The following CFAP95 variants were observed in gnomAD, a reference collection of about 807,000 sequenced individuals.
CFAP95 encodes cilia and flagella associated protein 95.
the CFAP95 span, among the ~76,000 whole-genome samples, chr9:69,865,146 C>G: frequency 2.6e-5 from 4 of 152,132 alleles, no homozygotes; most frequent in African/African-American, 9.7e-5. Flanking sequence ...GGCCTTTTCC[C>G]CCTTTGCTCA....
the CFAP95 span, among the ~76,000 whole-genome samples, chr9:69,892,479 C>G: frequency 6.6e-6 from 1 of 152,172 alleles, no homozygotes; most frequent in African/African-American, 2.4e-5. Context: ...TCTTTCACCT[C>G]AAAGATACTC....
the CFAP95 span, among the ~76,000 whole-genome samples, chr9:69,843,737 C>T: frequency 1.3e-5 from 2 of 150,222 alleles, no homozygotes; most frequent in Non-Finnish European, 3.0e-5. Flanking sequence ...CTTGACCTCC[C>T]TGAGGTGATC....
the CFAP95 span, among the ~76,000 whole-genome samples, chr9:69,891,982 G>A: frequency 9.2e-3 from 1,404 of 152,134 alleles, 18 homozygotes; most frequent in African/African-American, 0.032. Flanking sequence ...GCTCTGAGGT[G>A]TTTATGGATA....
the CFAP95 span, among the ~76,000 whole-genome samples, chr9:69,899,267 T>C: frequency 1.3e-5 from 2 of 152,188 alleles, no homozygotes; most frequent in East Asian, 1.9e-4. Flanking sequence ...ACTAAATACA[T>C]GTTGAAGAGA....
At chr9:69,886,590 A>T in the CFAP95 span, among the ~76,000 whole-genome samples, 1 of 152,178 alleles carries the variant, frequency 6.6e-6, no homozygotes, top group South Asian at 2.1e-4. Flanking sequence ...GGCTTCAGAC[A>T]TCCACTTAGG....
chr9:69,838,449 T>C, the CFAP95 span, among the ~76,000 whole-genome samples: 6 of 151,510 alleles, frequency 4.0e-5, no homozygotes, highest in East Asian at 2.0e-4. Flanking sequence ...GTCCTTCACA[T>C]CCCTTGTAAG....
chr9:69,865,812 T>C, the CFAP95 span, among the ~76,000 whole-genome samples: 1 of 152,182 alleles, frequency 6.6e-6, no homozygotes, highest in South Asian at 2.1e-4. Flanking sequence ...CTATAACTTA[T>C]ACTAATAAAA....
chr9:69,904,204 C>A, the CFAP95 span, among the ~76,000 whole-genome samples: 3 of 152,166 alleles, frequency 2.0e-5, no homozygotes, highest in African/African-American at 7.2e-5. Context: ...AACAGTCACT[C>A]CCCATTCCTT....
At chr9:69,866,069 T>C in the CFAP95 span, among the ~76,000 whole-genome samples, 1 of 152,200 alleles carries the variant, frequency 6.6e-6, no homozygotes, top group East Asian at 1.9e-4. Context: ...GCCACTCCTC[T>C]ATGCTGCTTC....
At chr9:69,905,006 G>A in the CFAP95 span, among the ~76,000 whole-genome samples, 1 of 152,114 alleles carries the variant, frequency 6.6e-6, no homozygotes, top group Non-Finnish European at 1.5e-5. Context: ...GAGATTTTAA[G>A]CAAATCATCA....
chr9:69,900,074 G>A, the CFAP95 span, among the ~76,000 whole-genome samples: 1 of 151,988 alleles, frequency 6.6e-6, no homozygotes, highest in Non-Finnish European at 1.5e-5. Context: ...CACCTTATGA[G>A]TTTATTTTTT....
At chr9:69,868,842 T>A in the CFAP95 span, among the ~76,000 whole-genome samples, 1 of 147,766 alleles carries the variant, frequency 6.8e-6, no homozygotes, top group East Asian at 1.9e-4. Flanking sequence ...AGCCAAGGAC[T>A]TAAATAGGCA....
chr9:69,892,626 A>G, the CFAP95 span, among the ~76,000 whole-genome samples: 1 of 152,234 alleles, frequency 6.6e-6, no homozygotes, highest in South Asian at 2.1e-4. Context: ...ATGAGAATAT[A>G]CATTCCTTTT....
At chr9:69,851,325 G>A in the CFAP95 span, among the ~76,000 whole-genome samples, 2 of 152,094 alleles carry the variant, frequency 1.3e-5, no homozygotes, top group Non-Finnish European at 2.9e-5. Context: ...AAAATGCTGT[G>A]CAGCTTCCTT....
At chr9:69,901,569 T>G in the CFAP95 span, among the ~76,000 whole-genome samples, 1 of 152,198 alleles carries the variant, frequency 6.6e-6, no homozygotes, top group African/African-American at 2.4e-5. Flanking sequence ...TGCGCCACAT[T>G]TTCTTAATCC....
At chr9:69,829,946 C>T in the CFAP95 span, among the ~76,000 whole-genome samples, 1 of 152,140 alleles carries the variant, frequency 6.6e-6, no homozygotes. Context: ...TCAGCTTGCC[C>T]TAGCTTAAGA....
At chr9:69,852,185 G>A in the CFAP95 span, among the ~76,000 whole-genome samples, 7 of 150,390 alleles carry the variant, frequency 4.7e-5, 1 homozygote, top group Admixed American at 4.0e-4. Context: ...TTTTGGCAAC[G>A]GTGCAGAAAA....
At chr9:69,901,942 A>G in the CFAP95 span, among the ~76,000 whole-genome samples, 1 of 152,222 alleles carries the variant, frequency 6.6e-6, no homozygotes, top group Admixed American at 6.5e-5. Context: ...ATGGCCAATG[A>G]TGACGAGCAT....
chr9:69,841,755 A>G, the CFAP95 span, among the ~76,000 whole-genome samples: 5 of 152,174 alleles, frequency 3.3e-5, no homozygotes, highest in Admixed American at 3.3e-4. Context: ...GAGTAAAGTC[A>G]TGTCTTACAT....
Sources: gnomAD v4.1 joint callset for allele counts (sites outside exome capture counted in the v4.1 genomes callset) on GRCh38, gnomAD v4.1.1 for gene constraint, MANE v1.5 for transcripts, NCBI Gene and HGNC (gene_info 2026-07-23, HGNC 2026-07-21) for gene names.